TAL1: variants seen among roughly 807,000 people sequenced by gnomAD.
TAL1 encodes T-cell acute lymphocytic leukemia protein 1.
A neutral mutation model predicts 17.9 loss-of-function variants in TAL1; 8 were observed. That is an observed-to-expected ratio of 0.45 (90% CI 0.26 to 0.81). TAL1 has a LOEUF of 0.81. TAL1 is among the 30% of genes least tolerant of loss of function. The pLI, the probability that TAL1 is intolerant of heterozygous loss-of-function variation, is 0.17. For synonymous variants in TAL1, 223 were observed against 218.6 expected (o/e 1.02, Z -0.18); for missense variants, 466 against 486.9 (o/e 0.96, Z 0.40).
At chr1:47,218,247 G>A (rs1645539216) in exon 4 of TAL1, 1 of 233,196 alleles carries the variant, frequency 4.3e-6, no homozygotes. Flanking sequence ...GGACTTCTGT[G>A]CAATTTGTCC....
chr1:47,224,899 A>G (rs1643884254), intron 2 of TAL1, among the ~76,000 whole-genome samples: 1 of 152,152 alleles, frequency 6.6e-6, no homozygotes, highest in Non-Finnish European at 1.5e-5. Context: ...AGGGGCTGGG[A>G]GTGGAGGGAC....
chr1:47,225,032 C>G lies in TAL1; in HGVS notation c.446+411G>C, dbSNP rs1396771533. The stretch of plus-strand genomic sequence containing the variant: ...GAGTTTCCGAATGAATTTCACACCA[C>G]AAACATCTACCTCTGCTCACAGCAA... On this transcript the variant is annotated intron_variant, in intron 2 of 3. Coordinates refer to ENST00000294339, the Ensembl canonical transcript of TAL1. Among the ~76,000 whole-genome samples the G allele has an allele frequency of 2.0e-5, 3 of 151,866 alleles. No homozygotes were observed. The South Asian group carries it at 6.2e-4, about 31-fold the overall frequency.
chr1:47,217,792 G>A (rs2070930), exon 4 of TAL1: 32,334 of 398,426 alleles, frequency 0.081, 2,453 homozygotes, highest in East Asian at 0.34. Context: ...GCGAATCCAC[G>A]GTGAAGCAAA....
chr1:47,227,069 T>C (rs1643923754), intron 1 of TAL1: 1 of 152,204 alleles, frequency 6.6e-6, no homozygotes, highest in Non-Finnish European at 1.5e-5. Flanking sequence ...TAATCTCACT[T>C]TGCTCAACCC....
exon 4 of TAL1, chr1:47,217,647 A>G: frequency 2.5e-6 from 1 of 398,660 alleles, no homozygotes; most frequent in Non-Finnish European, 4.4e-6. Flanking sequence ...CCTAGGAGAT[A>G]GGCCAAGCCA....
At chr1:47,224,990 C>T (rs1643885678) in intron 2 of TAL1, among the ~76,000 whole-genome samples, 1 of 152,202 alleles carries the variant, frequency 6.6e-6, no homozygotes, top group Non-Finnish European at 1.5e-5. Flanking sequence ...TTATCTCTTG[C>T]CTGTCCAGCT....
At chr1:47,228,754 AG>A (rs1199603233) in intron 1 of TAL1, 1 of 160,834 alleles carries the variant, frequency 6.2e-6, no homozygotes, top group African/African-American at 2.4e-5. Context: ...CCTCTACCGG[AG>A]AAGAGGGGTG....
Position 47,219,894 on chromosome 1 carries a change from G to GGGGCCCCCCCCCCC in TAL1, c.821_822insGGGGGGGGGGGCCC (p.Ala275GlyfsTer175). The stretch of plus-strand genomic sequence containing the variant: ...CTTGCAGGAGGTCATCTGGGGGCGC[G>GGGGCCCCCCCCCCC]CCGCCCCCTCCCCCACCTCCACCCC... On this transcript the variant is annotated frameshift_variant, in exon 4 of 4. Coordinates refer to ENST00000294339, the Ensembl canonical transcript of TAL1. LOFTEE classifies it high-confidence loss of function. 1 of 1,556,032 alleles carries GGGGCCCCCCCCCCC rather than the reference G, an allele frequency of 6.4e-7. No individual in the cohort carries two copies. Among genetic ancestry groups the GGGGCCCCCCCCCCC allele is most frequent in the Non-Finnish European group, 8.7e-7 (1 of 1,149,578 alleles).
At chr1:47,225,593 G>A in exon 2 of TAL1, 1 of 1,302,930 alleles carries the variant, frequency 7.7e-7, no homozygotes, top group Non-Finnish European at 9.7e-7. Flanking sequence ...GGCCGGGGCG[G>A]GCCCGGGAGG....
At chr1:47,219,783 C>T (rs927462) in exon 4 of TAL1, 2 of 1,611,706 alleles carry the variant, frequency 1.2e-6, no homozygotes, top group Middle Eastern at 1.7e-4. Context: ...GGGCCGTGTG[C>T]TTGGGCGCGG....
chr1:47,221,239 A>G (rs936854677), intron 3 of TAL1, among the ~76,000 whole-genome samples: 1 of 152,198 alleles, frequency 6.6e-6, no homozygotes, highest in African/African-American at 2.4e-5. Flanking sequence ...TCGATGCAGA[A>G]GGGCTCTCAT....
chr1:47,221,449 C>G (rs1217786269), intron 3 of TAL1, among the ~76,000 whole-genome samples: 1 of 152,144 alleles, frequency 6.6e-6, no homozygotes, highest in African/African-American at 2.4e-5. Context: ...TTATGGTGTG[C>G]AAAGCACTGT....
At chr1:47,221,307 G>A (rs1643800511) in intron 3 of TAL1, among the ~76,000 whole-genome samples, 1 of 152,184 alleles carries the variant, frequency 6.6e-6, no homozygotes, top group African/African-American at 2.4e-5. Context: ...GCTCTAGGCA[G>A]GCTTCTGAAG....
chr1:47,219,298 C>T (rs1645561110), exon 4 of TAL1: 1 of 481,372 alleles, frequency 2.1e-6, no homozygotes. Flanking sequence ...AGTGGCCACA[C>T]AGGCCACCCC....
chr1:47,226,537 C>G (rs571781170), intron 1 of TAL1, among the ~76,000 whole-genome samples: 3 of 152,326 alleles, frequency 2.0e-5, no homozygotes, highest in South Asian at 4.1e-4. Flanking sequence ...CACACACACA[C>G]ACACACACAT....
At chr1:47,224,341 C>T (rs1643876244) in intron 2 of TAL1, among the ~76,000 whole-genome samples, 4 of 152,016 alleles carry the variant, frequency 2.6e-5, no homozygotes, top group Non-Finnish European at 5.9e-5. Flanking sequence ...CATCCCTCCA[C>T]ACAAACACAG....
chr1:47,219,948 A>G, exon 4 of TAL1: 1 of 1,305,168 alleles, frequency 7.7e-7, no homozygotes. Flanking sequence ...GGTCCTTGCC[A>G]GTCTTGGCCC....
Position 47,225,423 on chromosome 1 carries a change from C to T in TAL1, c.446+20G>A. 8.1e-7 allele frequency: 1 copy of T among 1,229,352 alleles called. No individual in the cohort carries two copies. Among genetic ancestry groups the T allele is most frequent in the Non-Finnish European group, 1.0e-6 (1 of 986,524 alleles). 76.2% of individuals were successfully genotyped at this position (1,229,352 alleles called of 1,614,324 possible). A position where few individuals can be genotyped will look rare whatever the true frequency, so the allele number is the denominator to read the frequency against. On this transcript the variant is annotated intron_variant, in intron 2 of 3. Transcript: ENST00000294339. The stretch of plus-strand genomic sequence containing the variant: ...CTGCCCACCCGCCCAGCCCCTGGCC[C>T]CTGGCCCCTGGCCCCTGACCTGCCG...
chr1:47,223,257 C>G (rs1179081403), intron 3 of TAL1: 1 of 152,352 alleles, frequency 6.6e-6, no homozygotes, highest in Admixed American at 6.5e-5. Flanking sequence ...TCTGAAGTGC[C>G]TGCTCTCCTA....
Sources: gnomAD v4.1 joint callset for allele counts (sites outside exome capture counted in the v4.1 genomes callset) on GRCh38, gnomAD v4.1.1 for gene constraint, MANE v1.5 for transcripts, NCBI Gene and HGNC (gene_info 2026-07-23, HGNC 2026-07-21) for gene names.